PSMA2: variants seen among roughly 807,000 people sequenced by gnomAD.
PSMA2 encodes the protein proteasome 20S subunit alpha 2, also known as proteasome subunit alpha type-2.
PSMA2 carries 2 observed loss-of-function variants against 35.9 expected under a neutral mutation model. The ratio of observed to expected loss-of-function variants is 0.06; its 90% CI spans 0.02 to 0.18. The LOEUF (loss-of-function observed/expected upper bound fraction) is 0.18. PSMA2 is among the 10% of genes least tolerant of loss of function. PSMA2 has a pLI of 1.00. For missense variants in PSMA2, 126 were observed against 278.8 expected (o/e 0.45, Z 3.90); for synonymous variants, 97 against 98.2 (o/e 0.99, Z 0.07).
intron 6 of PSMA2, chr7:42,919,649 A>T: frequency 1.8e-6 from 1 of 571,280 alleles, no homozygotes; most frequent in African/African-American, 1.9e-5. Flanking sequence ...GTAATAACTT[A>T]TGGCTGATCC....
chr7:42,924,230 G>A (rs1035855823), intron 4 of PSMA2, among the ~76,000 whole-genome samples: 15 of 150,460 alleles, frequency 1.0e-4, no homozygotes, highest in Non-Finnish European at 1.6e-4. Flanking sequence ...GGTGATGCAC[G>A]CCTGTGGTGC....
intron 2 of PSMA2, among the ~76,000 whole-genome samples, chr7:42,926,969 T>C (rs1786226535): frequency 6.6e-6 from 1 of 152,242 alleles, no homozygotes; most frequent in Non-Finnish European, 1.5e-5. Context: ...TTCTGTCTAC[T>C]TGTCCCAATA....
Position 42,921,948 on chromosome 7 carries a change from G to T in PSMA2, c.457-17C>A, listed in dbSNP as rs765337419. The T allele has an allele frequency of 1.3e-6, 2 of 1,597,802 alleles. No homozygotes were observed. The highest frequency in any genetic ancestry group is 1.7e-6 in the Non-Finnish European group (2 of 1,168,318). Reference sequence around the variant, plus strand: ...GTAAGCTCCCTAATCAGGAAAGAAAGAGTAAAAAACCATATTTTAAAACAC... The same window carrying T: ...GTAAGCTCCCTAATCAGGAAAGAAATAGTAAAAAACCATATTTTAAAACAC... On this transcript the variant is annotated splice_polypyrimidine_tract_variant and intron_variant, in intron 5 of 7. Transcript: ENST00000223321.
At chr7:42,923,173 T>C in intron 5 of PSMA2, 152 bp downstream of exon 5, 2 of 610,124 alleles carry the variant, frequency 3.3e-6, no homozygotes, top group Non-Finnish European at 5.6e-6. Context: ...ATTTTAAATA[T>C]ACACACAAAA....
At chr7:42,920,797 C>T (rs374004960) in intron 6 of PSMA2, 19 of 152,096 alleles carry the variant, frequency 1.2e-4, no homozygotes, top group Non-Finnish European at 2.1e-4. Flanking sequence ...AACGGAGTTA[C>T]GAAGTTTTTT....
At chr7:42,920,725 G>T (rs1250606718) in intron 6 of PSMA2, 2 of 152,090 alleles carry the variant, frequency 1.3e-5, no homozygotes, top group Non-Finnish European at 2.9e-5. Context: ...TTAAATCCAG[G>T]CCTAAGATTT....
intron 6 of PSMA2, chr7:42,919,988 C>G: frequency 1.4e-6 from 1 of 730,630 alleles, no homozygotes; most frequent in Non-Finnish European, 2.6e-6. Flanking sequence ...GGTGAGCTGG[C>G]AAAGCCAAAG....
At position 42,917,914 on chromosome 7, in the gene PSMA2, TAA is replaced by T; in HGVS notation, c.531-81_531-80del. On this transcript the variant is annotated intron_variant, in intron 6 of 7. Transcript: ENST00000223321. Reference sequence around the variant, plus strand: ...TTTAAATACAATGACAGCAACAACGTAAGTTTTTAAAACTCTAAACATCTTAA... The same window carrying T: ...TTTAAATACAATGACAGCAACAACGTGTTTTTAAAACTCTAAACATCTTAA... 2.9e-6 allele frequency: 3 copies of T among 1,044,118 alleles called. No homozygotes were observed. The East Asian group carries it at 8.0e-5, about 28-fold the overall frequency. The allele number at this position is 1,044,118 out of a possible 1,614,324, so 64.7% of individuals were successfully genotyped here. A position where few individuals can be genotyped will look rare whatever the true frequency, so the allele number is the denominator to read the frequency against.
At chr7:42,927,866 A>G (rs1272944438) in intron 1 of PSMA2, among the ~76,000 whole-genome samples, 1 of 151,196 alleles carries the variant, frequency 6.6e-6, no homozygotes, top group African/African-American at 2.4e-5. Flanking sequence ...AGATTGCACC[A>G]TTGCACTCTA....
At chr7:42,930,371 G>A (rs546074451) in intron 1 of PSMA2, among the ~76,000 whole-genome samples, 2 of 151,958 alleles carry the variant, frequency 1.3e-5, no homozygotes, top group South Asian at 4.2e-4. Flanking sequence ...TGCTCCTCTC[G>A]CCCTCAGCCT....
intron 6 of PSMA2, chr7:42,919,621 T>C (rs653881): frequency 0.88 from 493,070 of 562,730 alleles, 216,619 homozygotes; most frequent in South Asian, 0.92. Context: ...GGAATATATT[T>C]CTGAGGGAGA....
At chr7:42,932,018 C>T in intron 1 of PSMA2, 100 bp downstream of exon 1, 1 of 1,487,598 alleles carries the variant, frequency 6.7e-7, no homozygotes, top group South Asian at 1.1e-5. Flanking sequence ...CTACTGGACC[C>T]TCCAGAAGCA....
In PSMA2 at chr7:42,924,737, G is replaced by A. The variant is rs1031236461; in HGVS notation, c.312C>T (p.Pro104=). The A allele has an allele frequency of 6.2e-7, 1 of 1,613,262 alleles. No homozygotes were observed. Among genetic ancestry groups the A allele is most frequent in the African/African-American group, 1.3e-5 (1 of 74,898 alleles). The change falls in exon 4 of 8, where the codon CCC becomes CCT. Residue 104 remains proline, a synonymous_variant. Transcript: ENST00000223321. ...AQQYYLVYQE[P]IPTAQLVQRV... ...TCTGTACCAGCTGAGCTGTAGGAAT[G>A]GGTTCTTGGTACACAAGATAGTATT...
chr7:42,924,785 G>A lies in PSMA2; in HGVS notation c.264C>T (p.His88=), dbSNP rs1254593246. The change falls in exon 4 of 8, where the codon CAC becomes CAT. Residue 88 remains histidine (H), a synonymous_variant. Coordinates refer to ENST00000223321, the MANE Select transcript of PSMA2 (RefSeq NM_002787.5). ...GMGPDYRVLV[H]RARKLAQQYY... ...ATTGTTGAGCTAGTTTTCGAGCTCT[G>A]TGCACAAGCACTCTAACAAGGAAAA... The A allele has an allele frequency of 6.2e-7, 1 of 1,610,550 alleles. No individual in the cohort carries two copies.
intron 6 of PSMA2, chr7:42,921,075 T>G (rs1786122357): frequency 6.6e-6 from 1 of 152,208 alleles, no homozygotes; most frequent in African/African-American, 2.4e-5. Flanking sequence ...GAATAAGTTC[T>G]GGTGTCCAGT....
At chr7:42,921,237 T>C (rs934847715) in intron 6 of PSMA2, 1 of 152,168 alleles carries the variant, frequency 6.6e-6, no homozygotes, top group African/African-American at 2.4e-5. Context: ...TATCAAAATA[T>C]CACATGTACT....
rs1279359736 is a variant in PSMA2, at chr7:42,923,505, A to G, written c.375-99T>C. ...CTCAAATAAAGCAAATTATCAGGCA[A>G]ACTGAATTAGACTTTTAAGTTCCTT... On this transcript the variant is annotated intron_variant, in intron 4 of 7. Transcript: ENST00000223321. The G allele has an allele frequency of 3.5e-6, 3 of 846,542 alleles. No individual in the cohort carries two copies. The African/African-American group carries it at 5.1e-5, about 14-fold the overall frequency. 52.4% of individuals were successfully genotyped at this position (846,542 alleles called of 1,614,324 possible). A position where few individuals can be genotyped will look rare whatever the true frequency, so the allele number is the denominator to read the frequency against.
intron 1 of PSMA2, chr7:42,931,267 T>C: frequency 5.7e-6 from 2 of 352,606 alleles, no homozygotes; most frequent in South Asian, 2.1e-5. Context: ...TTGTCAGGAG[T>C]ACATTTTAAG....
chr7:42,922,838 A>G (rs1786146488), intron 5 of PSMA2, among the ~76,000 whole-genome samples: 1 of 152,172 alleles, frequency 6.6e-6, no homozygotes, highest in Non-Finnish European at 1.5e-5. Context: ...AACACCTTCT[A>G]TTCAGATACC....
Sources: gnomAD v4.1 joint callset for allele counts (sites outside exome capture counted in the v4.1 genomes callset) on GRCh38, gnomAD v4.1.1 for gene constraint, MANE v1.5 for transcripts, NCBI Gene and HGNC (gene_info 2026-07-23, HGNC 2026-07-21) for gene names.